The following SCD5 variants were observed in gnomAD, a reference collection of about 807,000 sequenced individuals.
SCD5 encodes the protein acyl-CoA-desaturase 4.
In SCD5, 20 loss-of-function variants were observed where a neutral mutation model predicts 30.4. The ratio of observed to expected loss-of-function variants is 0.66; its 90% confidence interval spans 0.46 to 0.96. The LOEUF is 0.96. SCD5 is among the 40% of genes least tolerant of loss of function. The probability of loss-of-function intolerance (pLI) is 0.00; values close to 1 mark genes in which losing one functional copy is unlikely to be tolerated. For synonymous variants in SCD5, 173 were observed against 176.4 expected, an observed-to-expected ratio of 0.98 and a Z score of 0.16; for missense variants, 381 against 443.3, an observed-to-expected ratio of 0.86 and a Z score of 1.26.
intron 3 of SCD5, among the ~76,000 whole-genome samples, chr4:82,642,333 G>A (rs1425331971): frequency 5.9e-5 from 9 of 152,118 alleles, no homozygotes; most frequent in Non-Finnish European, 1.2e-4. Flanking sequence ...CACACAGAGA[G>A]GGAAACTTAC....
At chr4:82,633,431 C>T (rs898376635) in intron 4 of SCD5, among the ~76,000 whole-genome samples, 1 of 152,236 alleles carries the variant, frequency 6.6e-6, no homozygotes, top group African/African-American at 2.4e-5. Context: ...GTGAATAATC[C>T]TGTTTAAACA....
chr4:82,665,261 G>C (rs1031381514), intron 3 of SCD5, among the ~76,000 whole-genome samples: 1 of 130,738 alleles, frequency 7.6e-6, no homozygotes, highest in East Asian at 2.2e-4. Flanking sequence ...GAGTTCCAAA[G>C]AAAAAGAGAA....
At chr4:82,674,203 A>C (rs1287476154) in intron 3 of SCD5, among the ~76,000 whole-genome samples, 1 of 152,194 alleles carries the variant, frequency 6.6e-6, no homozygotes, top group Non-Finnish European at 1.5e-5. Flanking sequence ...AAGAGAATAA[A>C]AGGACAAGCC....
intron 1 of SCD5, among the ~76,000 whole-genome samples, chr4:82,751,634 A>T (rs1324444237): frequency 1.3e-5 from 2 of 151,908 alleles, no homozygotes; most frequent in African/African-American, 4.8e-5. Flanking sequence ...TTAGTTAGTT[A>T]GTTATTTTTT....
At chr4:82,731,690 G>C (rs1331329561) in intron 1 of SCD5, among the ~76,000 whole-genome samples, 1 of 152,172 alleles carries the variant, frequency 6.6e-6, no homozygotes, top group Non-Finnish European at 1.5e-5. Flanking sequence ...TATGAGGATG[G>C]ATTCTAGAGT....
At chr4:82,689,713 CT>C (rs1728790702) in intron 2 of SCD5, among the ~76,000 whole-genome samples, 1 of 152,146 alleles carries the variant, frequency 6.6e-6, no homozygotes, top group Non-Finnish European at 1.5e-5. Context: ...GGCTCATAAT[CT>C]TTGCATAAAT....
chr4:82,759,646 CT>C (rs143321359), intron 1 of SCD5, among the ~76,000 whole-genome samples: 1 of 100,138 alleles, frequency 1.0e-5, no homozygotes, highest in Non-Finnish European at 2.1e-5. Flanking sequence ...AGAACCCCGT[CT>C]TAAAAAAAAA....
intron 1 of SCD5, among the ~76,000 whole-genome samples, chr4:82,747,069 G>GCCACCCCCCCCCCCCCCC (rs1553918954): frequency 7.2e-6 from 1 of 139,698 alleles, no homozygotes; most frequent in African/African-American, 2.5e-5. Flanking sequence ...TGGGCAACCT[G>GCCACCCCCCCCCCCCCCC]CCCCCCAAGA....
chr4:82,724,347 T>C (rs7687194), intron 1 of SCD5, among the ~76,000 whole-genome samples: 79,553 of 152,064 alleles, frequency 0.52, 21,916 homozygotes, highest in African/African-American at 0.69. Flanking sequence ...CCAGGCATGG[T>C]GGCTCACACC....
At chr4:82,734,336 AGCTCTGTCATCG>A (rs1720702594) in intron 1 of SCD5, among the ~76,000 whole-genome samples, 2 of 152,222 alleles carry the variant, frequency 1.3e-5, no homozygotes, top group South Asian at 4.1e-4. Context: ...AAGTAGGTAA[AGCTCTGTCATCG>A]GATGAGCCAA....
At chr4:82,642,111 A>ATT (rs11382076) in intron 3 of SCD5, among the ~76,000 whole-genome samples, 62 of 151,314 alleles carry the variant, frequency 4.1e-4, no homozygotes, top group African/African-American at 9.0e-4. Flanking sequence ...GCTCACATAC[A>ATT]TTTTTTTTTA....
intron 2 of SCD5, among the ~76,000 whole-genome samples, chr4:82,688,112 G>T (rs2148823310): frequency 6.6e-6 from 1 of 152,272 alleles, no homozygotes; most frequent in Admixed American, 6.5e-5. Flanking sequence ...TAAAGTTCCA[G>T]AACAAAAAAC....
intron 1 of SCD5, among the ~76,000 whole-genome samples, chr4:82,777,759 G>C (rs80197593): frequency 0.05 from 7,648 of 152,182 alleles, 271 homozygotes; most frequent in Middle Eastern, 0.085. Flanking sequence ...GTGGGGCCAG[G>C]ATTCTATATA....
chr4:82,733,002 A>T (rs902277068), intron 1 of SCD5, among the ~76,000 whole-genome samples: 11 of 152,172 alleles, frequency 7.2e-5, no homozygotes, highest in Non-Finnish European at 4.4e-5. Flanking sequence ...GCTGATGATA[A>T]TGGCTAACAT....
chr4:82,725,641 T>C (rs914633915), intron 1 of SCD5, among the ~76,000 whole-genome samples: 1 of 151,782 alleles, frequency 6.6e-6, no homozygotes, highest in African/African-American at 2.4e-5. Flanking sequence ...GGGCAGATCA[T>C]TTGAGACCAG....
chr4:82,676,086 A>G (rs80066850), intron 3 of SCD5, among the ~76,000 whole-genome samples: 2,150 of 152,258 alleles, frequency 0.014, 46 homozygotes, highest in African/African-American at 0.049. Context: ...GACTCAACTC[A>G]GCAATGTGCT....
At chr4:82,742,083 A>C (rs1720887236) in intron 1 of SCD5, among the ~76,000 whole-genome samples, 1 of 151,972 alleles carries the variant, frequency 6.6e-6, no homozygotes, top group Admixed American at 6.6e-5. Flanking sequence ...CGTCTCAAAA[A>C]AAAAAAAAAA....
chr4:82,658,838 G>A (rs1428822532), intron 3 of SCD5, among the ~76,000 whole-genome samples: 1 of 151,188 alleles, frequency 6.6e-6, no homozygotes, highest in Admixed American at 6.6e-5. Context: ...ATCAGGAGCT[G>A]CTGGTCTCAT....
At chr4:82,759,346 C>G (rs1721299242) in intron 1 of SCD5, among the ~76,000 whole-genome samples, 1 of 152,180 alleles carries the variant, frequency 6.6e-6, no homozygotes, top group Admixed American at 6.5e-5. Context: ...GAGCGCACCT[C>G]CTCTCTTTCT....
Sources: allele counts gnomAD v4.1 joint callset (sites outside exome capture counted in the v4.1 genomes callset), GRCh38; gene constraint gnomAD v4.1.1; transcripts MANE v1.5; gene names NCBI Gene and HGNC (gene_info 2026-07-23, HGNC 2026-07-21).